Variants in GPRC6A observed in about 807,000 individuals in gnomAD.
The protein encoded by GPRC6A is G protein-coupled receptor class C group 6 member A.
A neutral mutation model predicts 47.0 loss-of-function variants in GPRC6A; 54 were observed. That is an observed-to-expected ratio of 1.15 (90% CI 0.92 to 1.44). GPRC6A has a LOEUF of 1.44. Ranked by LOEUF, GPRC6A falls within the 40% of genes most tolerant of loss-of-function variation. The pLI is 0.00. For missense variants in GPRC6A, 1,112 were observed against 1,105.5 expected (o/e 1.01, Z -0.08); for synonymous variants, 347 against 377.1 (o/e 0.92, Z 0.93).
intron 1 of GPRC6A, among the ~76,000 whole-genome samples, chr6:116,810,524 T>C (rs1216941405): frequency 6.6e-6 from 1 of 151,980 alleles, no homozygotes; most frequent in Non-Finnish European, 1.5e-5. Flanking sequence ...CTTGGCCAGA[T>C]ACTCTTCTCC....
In GPRC6A at chr6:116,806,362, G is replaced by T. The variant is rs746247138; in HGVS notation, c.1335+8C>A. On this transcript the variant is annotated splice_region_variant and intron_variant, in intron 3 of 5. Coordinates refer to ENST00000310357, the MANE Select transcript of GPRC6A (RefSeq NM_148963.4). Reference sequence around the variant, plus strand: ...AGAAGAGTTTTTCTTGGATGTGTGAGTTAGTACCTCCCATGGTTGAAAGGC... The same window carrying T: ...AGAAGAGTTTTTCTTGGATGTGTGATTTAGTACCTCCCATGGTTGAAAGGC... 6.4e-7 allele frequency: 1 copy of T among 1,566,896 alleles called. No individual in the cohort carries two copies. Among genetic ancestry groups the T allele is most frequent in the South Asian group, 1.1e-5 (1 of 88,380 alleles).
At chr6:116,795,614 AT>A (rs1554262039) in intron 5 of GPRC6A, 97 bp downstream of exon 5, 3 of 1,044,710 alleles carry the variant, frequency 2.9e-6, no homozygotes, top group Non-Finnish European at 4.0e-6. Flanking sequence ...AGCTTTTTAA[AT>A]TTTTTCAAAT....
chr6:116,815,705 C>G (rs1773182768), intron 1 of GPRC6A, among the ~76,000 whole-genome samples: 1 of 152,068 alleles, frequency 6.6e-6, no homozygotes, highest in African/African-American at 2.4e-5. Flanking sequence ...GAAATAACAA[C>G]AAGAGGAACT....
At chr6:116,800,411 C>G (rs1177139697) in intron 4 of GPRC6A, among the ~76,000 whole-genome samples, 173 bp downstream of exon 4, 1 of 120,094 alleles carries the variant, frequency 8.3e-6, no homozygotes, top group Non-Finnish European at 1.7e-5. Context: ...CTTTCTTTTT[C>G]TTTCCTCTTT....
chr6:116,813,368 C>T lies in GPRC6A; in HGVS notation c.195-3751G>A, dbSNP rs570283141. ...CCTGACTTCAAACTATACTACAAGG[C>T]TACAGTAACCAAAACAGCATGGTAC... On this transcript the variant is annotated intron_variant, in intron 1 of 5. Coordinates refer to ENST00000310357, the MANE Select transcript of GPRC6A (RefSeq NM_148963.4). 2.3e-3 allele frequency among the ~76,000 whole-genome samples: 353 copies of T among 152,250 alleles called. 1 individual carries two copies. Among genetic ancestry groups the T allele is most frequent in the African/African-American group, 8.3e-3 (343 of 41,544 alleles).
At position 116,809,381 on chromosome 6, in the gene GPRC6A, A is replaced by G. The variant is rs28360548; in HGVS notation, c.431T>C (p.Ile144Thr). Residue 144 changes from isoleucine (I) to threonine (T), a missense_variant, in exon 2 of 6, where the codon ATA (isoleucine) becomes ACA (threonine). By Grantham distance (89) the Ile-to-Thr change is moderately conservative. Coordinates refer to ENST00000310357, the MANE Select transcript of GPRC6A (RefSeq NM_148963.4). ...AGTTATTTCTGAGTACCCAGAACCT[A>G]TGACAGCCTTAACTCTTGGCATGTA... The part of the protein sequence containing the change: ...SSYMPRVKAV[I>T]GSGYSEITMA... 6.2e-7 allele frequency: 1 copy of G among 1,613,320 alleles called. No homozygotes were observed. Among genetic ancestry groups the G allele is most frequent in the Non-Finnish European group, 8.5e-7 (1 of 1,179,520 alleles).
chr6:116,799,035 T>C (rs1477536547), intron 4 of GPRC6A, among the ~76,000 whole-genome samples: 29 of 152,104 alleles, frequency 1.9e-4, no homozygotes, highest in Non-Finnish European at 4.4e-5. Context: ...GTAAAACTCA[T>C]TGGTTATGGA....
chr6:116,812,602 A>G (rs1240207150), intron 1 of GPRC6A, among the ~76,000 whole-genome samples: 1 of 152,190 alleles, frequency 6.6e-6, no homozygotes, highest in Admixed American at 6.5e-5. Flanking sequence ...CCTTGGATTT[A>G]AAAGGATTAA....
Position 116,809,337 on chromosome 6 carries a change from A to G in GPRC6A, c.475T>C (p.Leu159=). ...SEITMAVSRM[L]NLQLMPQVGY... ...ACCTGTGGCATGAGCTGTAAATTCA[A>G]CATCCTGGAGACAGCCATAGTTATT... The change falls in exon 2 of 6, where the codon TTG becomes CTG. Residue 159 remains leucine, a synonymous_variant. Transcript: ENST00000310357. The G allele has an allele frequency of 6.2e-7, 1 of 1,613,134 alleles. No individual in the cohort carries two copies. The highest frequency in any genetic ancestry group is 8.5e-7 in the Non-Finnish European group (1 of 1,179,312).
In GPRC6A at chr6:116,806,998, T is replaced by G; in HGVS notation, c.707A>C (p.Asn236Thr). ...NTFIIQAEAN[N>T]VCIAFKEVLP... is the part of the protein sequence containing the mutation. ...AACCTCTTTGAAGGCTATGCACACG[T>G]TATTTGCTTCAGCCTGAATTATAAA... Residue 236 changes from asparagine to threonine, a missense_variant, in exon 3 of 6, where the codon AAC (asparagine) becomes ACC (threonine). Transcript: ENST00000310357. 1.2e-6 allele frequency: 2 copies of G among 1,613,690 alleles called. No individual in the cohort carries two copies. Among genetic ancestry groups the G allele is most frequent in the Non-Finnish European group, 8.5e-7 (1 of 1,179,756 alleles).
In GPRC6A at chr6:116,809,332, A is replaced by C; in HGVS notation, c.480T>G (p.Asn160Lys). The C allele has an allele frequency of 6.2e-7, 1 of 1,612,988 alleles. No homozygotes were observed. The highest frequency in any genetic ancestry group is 8.5e-7 in the Non-Finnish European group (1 of 1,179,230). Reference sequence around the variant, plus strand: ...AACCTACCTGTGGCATGAGCTGTAAATTCAACATCCTGGAGACAGCCATAG... The same window carrying C: ...AACCTACCTGTGGCATGAGCTGTAACTTCAACATCCTGGAGACAGCCATAG... The part of the protein sequence containing the change: ...EITMAVSRML[N>K]LQLMPQVGYE... Residue 160 changes from asparagine to lysine, a missense_variant, in exon 2 of 6, where the codon AAT becomes AAG. Transcript: ENST00000310357.
chr6:116,813,618 T>G (rs1227437572), intron 1 of GPRC6A, among the ~76,000 whole-genome samples: 1 of 152,166 alleles, frequency 6.6e-6, no homozygotes, highest in Non-Finnish European at 1.5e-5. Flanking sequence ...CAAGATGGAT[T>G]AAAGACTTAA....
intron 1 of GPRC6A, among the ~76,000 whole-genome samples, chr6:116,821,676 G>T (rs865975222): frequency 6.6e-6 from 1 of 151,996 alleles, no homozygotes; most frequent in Non-Finnish European, 1.5e-5. Context: ...GCTGAAACTG[G>T]ATCCCTTCCT....
Position 116,800,650 on chromosome 6 carries a change from A to G in GPRC6A, c.1482T>C (p.Tyr494=). Residue 494 remains tyrosine, a synonymous_variant, in exon 4 of 6, where the codon TAT becomes TAC. Coordinates refer to ENST00000310357, the MANE Select transcript of GPRC6A (RefSeq NM_148963.4). ...GHMTVTKMAE[Y]DLQNDVFIIP... is the part of the protein sequence containing the mutation. The stretch of plus-strand genomic sequence containing the variant: ...TGATGAAGACATCATTCTGTAGGTC[A>G]TATTCTGCCATCTTAGTGACAGTCA... 1 of 1,613,500 alleles carries G rather than the reference A, an allele frequency of 6.2e-7. No homozygotes were observed. Among genetic ancestry groups the G allele is most frequent in the Non-Finnish European group, 8.5e-7 (1 of 1,179,536 alleles).
chr6:116,823,103 G>GT (rs1328754233), intron 1 of GPRC6A, among the ~76,000 whole-genome samples: 1 of 151,902 alleles, frequency 6.6e-6, no homozygotes, highest in African/African-American at 2.4e-5. Context: ...TTGTTTGTTT[G>GT]TTTTTTGTTT....
chr6:116,805,844 T>C (rs1353677673), intron 3 of GPRC6A, among the ~76,000 whole-genome samples: 1 of 151,998 alleles, frequency 6.6e-6, no homozygotes, highest in Non-Finnish European at 1.5e-5. Context: ...TTTATGTGTA[T>C]ATGTATTTAT....
intron 1 of GPRC6A, among the ~76,000 whole-genome samples, chr6:116,821,471 G>A (rs897295149): frequency 2.6e-5 from 4 of 151,612 alleles, no homozygotes; most frequent in East Asian, 3.9e-4. Context: ...ACTACAAGGC[G>A]ACAGTAACCA....
chr6:116,806,375 A>C lies in GPRC6A; in HGVS notation c.1330T>G (p.Trp444Gly). 1 of 1,598,466 alleles carries C rather than the reference A, an allele frequency of 6.3e-7. No individual in the cohort carries two copies. Residue 444 changes from tryptophan to glycine, a missense_variant, in exon 3 of 6, where the codon TGG becomes GGG. Coordinates refer to ENST00000310357, the MANE Select transcript of GPRC6A (RefSeq NM_148963.4). ...DCQNPNAFQP[W>G]ELLGVLKNVT... is the part of the protein sequence containing the mutation. ...TTGGATGTGTGAGTTAGTACCTCCC[A>C]TGGTTGAAAGGCGTTGGGGTTCTGA...
intron 3 of GPRC6A, among the ~76,000 whole-genome samples, chr6:116,801,064 G>A (rs189188166): frequency 2.0e-5 from 3 of 152,168 alleles, no homozygotes; most frequent in East Asian, 1.9e-4. Context: ...AAGTATCTTC[G>A]TTTATCCTAC....
Sources: gnomAD v4.1 joint callset for allele counts (sites outside exome capture counted in the v4.1 genomes callset) on GRCh38, gnomAD v4.1.1 for gene constraint, MANE v1.5 for transcripts, NCBI Gene and HGNC (gene_info 2026-07-23, HGNC 2026-07-21) for gene names.